The following C19orf47 variants were observed in gnomAD, a reference collection of about 807,000 sequenced individuals.
C19orf47 encodes chromosome 19 open reading frame 47.
In C19orf47, 18 loss-of-function variants were observed where a neutral mutation model predicts 32.3. The ratio of observed to expected loss-of-function variants is 0.56; its 90% CI spans 0.39 to 0.83. C19orf47 has a LOEUF of 0.83. Ranked by LOEUF, C19orf47 falls within the 40% of genes least tolerant of loss-of-function variation. C19orf47 has a pLI of 0.00. For missense variants in C19orf47, 484 were observed against 531.6 expected (o/e 0.91, Z 0.88); for synonymous variants, 202 against 211.1 (o/e 0.96, Z 0.37).
chr19:40,302,470 A>G, the C19orf47 span, among the ~76,000 whole-genome samples: 1 of 151,694 alleles, frequency 6.6e-6, no homozygotes, highest in Non-Finnish European at 1.5e-5. Flanking sequence ...ATTTTTTTGT[A>G]TTTTTTATAG....
rs1406887729 is a variant in C19orf47 at position 40,348,388 on chromosome 19, G to T, written c.-98C>A. 4 of 1,450,922 alleles carry T rather than the reference G, an allele frequency of 2.8e-6. No homozygotes were observed. 89.9% of individuals were successfully genotyped at this position (1,450,922 alleles called of 1,614,324 possible). ...TCCCTCCCGGCGGCGCCAACTGTCAGACACTCCTCCCCCGGCCCGGGCTGC... is the reference window on the plus strand; with the variant it reads ...TCCCTCCCGGCGGCGCCAACTGTCATACACTCCTCCCCCGGCCCGGGCTGC... On this transcript the variant is annotated 5_prime_UTR_variant, in exon 1 of 9. It adds an upstream start codon to the 5' untranslated region. Transcript: ENST00000683109.
intron 1 of C19orf47, among the ~76,000 whole-genome samples, chr19:40,344,415 G>T (rs2145622376): frequency 6.6e-6 from 1 of 151,434 alleles, no homozygotes; most frequent in Admixed American, 6.6e-5. Context: ...GGAGGCAGAG[G>T]CTGCAGTGGG....
chr19:40,334,766 G>A (rs2078024411), intron 4 of C19orf47: 3 of 151,734 alleles, frequency 2.0e-5, no homozygotes, highest in African/African-American at 7.3e-5. Flanking sequence ...AAATAAAGAG[G>A]CCAGGCACAG....
chr19:40,331,018 T>C (rs879268910), intron 5 of C19orf47, among the ~76,000 whole-genome samples: 1 of 152,300 alleles, frequency 6.6e-6, no homozygotes, highest in Admixed American at 6.5e-5. Context: ...GGCACCCCAC[T>C]GTAATATTAT....
At chr19:40,316,184 C>G (rs1373701415), downstream of C19orf47, among the ~76,000 whole-genome samples, 1 of 152,190 alleles carries the variant, frequency 6.6e-6, no homozygotes, top group East Asian at 1.9e-4. Flanking sequence ...CTTGGCTCAT[C>G]TCAGCAGCAG....
chr19:40,328,908 A>C (rs191224738), intron 5 of C19orf47, among the ~76,000 whole-genome samples: 3 of 152,098 alleles, frequency 2.0e-5, no homozygotes, highest in African/African-American at 7.2e-5. Flanking sequence ...CCTAGCAAGT[A>C]GGCGCTTCCT....
intron 1 of C19orf47, among the ~76,000 whole-genome samples, chr19:40,345,707 T>C (rs962844373): frequency 1.4e-5 from 2 of 144,192 alleles, no homozygotes; most frequent in Admixed American, 7.0e-5. Context: ...CCAGGCATGG[T>C]GGTGTATGCC....
intron 2 of C19orf47, among the ~76,000 whole-genome samples, chr19:40,336,669 G>A (rs2078072323): frequency 1.3e-5 from 2 of 152,136 alleles, no homozygotes; most frequent in East Asian, 3.9e-4. Flanking sequence ...GCTAAACAAG[G>A]GGCAGAGCTC....
At chr19:40,308,949 C>T in the C19orf47 span, among the ~76,000 whole-genome samples, 1 of 152,102 alleles carries the variant, frequency 6.6e-6, no homozygotes, top group Non-Finnish European at 1.5e-5. Context: ...ATAGTCCCAG[C>T]TACTTGGGAG....
At chr19:40,311,371 C>T in the C19orf47 span, among the ~76,000 whole-genome samples, 13 of 146,308 alleles carry the variant, frequency 8.9e-5, no homozygotes, top group Non-Finnish European at 1.5e-4. Context: ...AAGAGCAAAA[C>T]TCGGTCTCAA....
At chr19:40,331,796 G>A (rs536763154) in intron 5 of C19orf47, among the ~76,000 whole-genome samples, 26 of 152,270 alleles carry the variant, frequency 1.7e-4, no homozygotes, top group Admixed American at 1.0e-3. Context: ...CAACACTTTG[G>A]GGGGCCAAGG....
the C19orf47 span, chr19:40,299,421 A>G: frequency 2.2e-4 from 33 of 152,158 alleles, 1 homozygote; most frequent in African/African-American, 8.0e-4. Flanking sequence ...GACCTAAATT[A>G]ATAGTTACCT....
chr19:40,326,262 T>C, intron 7 of C19orf47, 72 bp downstream of exon 7: 2 of 1,579,670 alleles, frequency 1.3e-6, no homozygotes, highest in Non-Finnish European at 1.7e-6. Flanking sequence ...CTGTAGGATA[T>C]GACGGGCCCT....
rs1371599743 is a variant in C19orf47, at chr19:40,324,027, T to C, written c.642A>G (p.Ala214=). 3 of 1,614,096 alleles carry C rather than the reference T, an allele frequency of 1.9e-6. No individual in the cohort carries two copies. Among genetic ancestry groups the C allele is most frequent in the African/African-American group, 2.7e-5 (2 of 74,940 alleles). ...TCACTTTACTCCCTGTCGTGGTGTC[T>C]GCCTTGGTCTCGGCGCCGAGGCGGT... ...VFDRLGAETK[A]DTTTGSKPTG... is the part of the protein sequence containing the mutation. The change falls in exon 8 of 9, where the codon GCA becomes GCG. Residue 214 remains alanine, a synonymous_variant. Coordinates refer to ENST00000683109, the MANE Select transcript of C19orf47 (RefSeq NM_001256441.2).
intron 1 of C19orf47, among the ~76,000 whole-genome samples, chr19:40,345,701 G>A (rs1395555898): frequency 6.6e-6 from 1 of 150,968 alleles, no homozygotes; most frequent in East Asian, 2.0e-4. Context: ...AATTAGCCAG[G>A]CATGGTGGTG....
chr19:40,305,762 C>A, the C19orf47 span, among the ~76,000 whole-genome samples: 2 of 152,088 alleles, frequency 1.3e-5, no homozygotes, highest in Non-Finnish European at 2.9e-5. Flanking sequence ...GTTATTGGGA[C>A]AATTGATGAA....
chr19:40,321,781 G>A lies in C19orf47; in HGVS notation c.*101C>T. 1 of 1,442,150 alleles carries A rather than the reference G, an allele frequency of 6.9e-7. No homozygotes were observed. Among genetic ancestry groups the A allele is most frequent in the Non-Finnish European group, 9.1e-7 (1 of 1,101,716 alleles). 89.3% of individuals were successfully genotyped at this position (1,442,150 alleles called of 1,614,324 possible). A position where few individuals can be genotyped will look rare whatever the true frequency, so the allele number is the denominator to read the frequency against. ...CTAGAGCCCGAGGGAGACAAGCTGT[G>A]TCATCCAGGAGCTGGTGGGAGGCGT... On this transcript the variant is annotated 3_prime_UTR_variant, in exon 9 of 9. Transcript: ENST00000683109.
At chr19:40,309,918 G>A in the C19orf47 span, among the ~76,000 whole-genome samples, 1 of 152,078 alleles carries the variant, frequency 6.6e-6, no homozygotes, top group Non-Finnish European at 1.5e-5. Context: ...TACTGCTGGT[G>A]GAAATGTAAG....
At chr19:40,315,758 C>A (rs894031703), downstream of C19orf47, among the ~76,000 whole-genome samples, 1 of 147,352 alleles carries the variant, frequency 6.8e-6, no homozygotes, top group Non-Finnish European at 1.5e-5. Flanking sequence ...CCAGCCTGGG[C>A]GAGAGAGTGA....
Sources: gnomAD v4.1 joint callset for allele counts (sites outside exome capture counted in the v4.1 genomes callset) on GRCh38, gnomAD v4.1.1 for gene constraint, MANE v1.5 for transcripts, NCBI Gene and HGNC (gene_info 2026-07-23, HGNC 2026-07-21) for gene names.